The following ADTRP variants were observed in gnomAD, a reference collection of about 807,000 sequenced individuals.
ADTRP encodes androgen dependent TFPI regulating protein.
ADTRP carries 20 observed loss-of-function variants against 27.0 expected under a neutral mutation model. The observed-to-expected ratio is 0.74, with a 90% confidence interval of 0.52 to 1.08. The LOEUF (loss-of-function observed/expected upper bound fraction) is 1.08. Among genes scored for constraint, ADTRP ranks in the 50% least tolerant of loss-of-function variants. The probability of loss-of-function intolerance (pLI) is 0.00; values close to 1 mark genes in which losing one functional copy is unlikely to be tolerated. For missense variants in ADTRP, 251 were observed against 275.0 expected, an observed-to-expected ratio of 0.91 and a Z score of 0.62; for synonymous variants, 101 against 105.2, an observed-to-expected ratio of 0.96 and a Z score of 0.25.
chr6:11,748,777 C>T lies in ADTRP; in HGVS notation c.391-13094G>A, dbSNP rs148793038. Among the ~76,000 whole-genome samples the T allele has an allele frequency of 8.5e-5, 13 of 152,200 alleles. No homozygotes were observed. In the East Asian group the frequency reaches 1.2e-3, roughly 14 times the overall value. ...ATCTTGGGCAAGGGTGCAGTACGCA[C>T]GAAGGTCCTGTAGGAGAATGAACTT... On this transcript the variant is annotated intron_variant, in intron 3 of 5. Coordinates refer to ENST00000414691, the MANE Select transcript of ADTRP (RefSeq NM_032744.4).
intron 4 of ADTRP, among the ~76,000 whole-genome samples, chr6:11,727,380 C>A: frequency 6.6e-6 from 1 of 152,096 alleles, no homozygotes; most frequent in Non-Finnish European, 1.5e-5. Context: ...GTGATTCTTA[C>A]CTGCATGGCT....
chr6:11,723,796 T>C (rs546953199), intron 4 of ADTRP, among the ~76,000 whole-genome samples: 1 of 152,236 alleles, frequency 6.6e-6, no homozygotes, highest in East Asian at 1.9e-4. Context: ...CTGTGGCTCA[T>C]GCCTGTAATC....
At chr6:11,715,123 C>T (rs1761770172) in intron 5 of ADTRP, among the ~76,000 whole-genome samples, 1 of 152,206 alleles carries the variant, frequency 6.6e-6, no homozygotes, top group South Asian at 2.1e-4. Context: ...GTAAGCTCTG[C>T]AATTTGTGAA....
chr6:11,723,210 G>T (rs1762074636), intron 5 of ADTRP, 139 bp downstream of exon 5: 1 of 1,216,786 alleles, frequency 8.2e-7, no homozygotes. Context: ...CTCTTGGCAG[G>T]ACCTGTCTGA....
chr6:11,750,731 G>A (rs944392018), intron 3 of ADTRP, among the ~76,000 whole-genome samples: 8 of 152,172 alleles, frequency 5.3e-5, no homozygotes, highest in Non-Finnish European at 8.8e-5. Flanking sequence ...TTAATCACTA[G>A]TTCTCTTTCT....
intron 3 of ADTRP, among the ~76,000 whole-genome samples, chr6:11,743,677 T>C (rs1316494594): frequency 6.6e-6 from 1 of 152,212 alleles, no homozygotes; most frequent in East Asian, 1.9e-4. Context: ...GTCACCATTT[T>C]CTCTCTAGTG....
chr6:11,722,104 A>G (rs1279573537), intron 5 of ADTRP, among the ~76,000 whole-genome samples: 1 of 152,112 alleles, frequency 6.6e-6, no homozygotes, highest in African/African-American at 2.4e-5. Flanking sequence ...AGTTAGAATT[A>G]TATGTCAACA....
Position 11,778,665 on chromosome 6 carries a change from A to C in ADTRP, c.95T>G (p.Val32Gly), listed in dbSNP as rs765323691. The change falls in exon 1 of 6, where the codon GTG becomes GGG. Residue 32 changes from valine (V) to glycine (G), a missense_variant. Coordinates refer to ENST00000414691, the MANE Select transcript of ADTRP (RefSeq NM_032744.4). ...YYISQEGKDEVKPKILANGAR... is the reference protein window; with the variant it reads ...YYISQEGKDEGKPKILANGAR... ...ACCATTTGCCAAGATTTTGGGTTTC[A>C]CCTCGTCTTTTCCTTCCTGTGAGAT... 1.2e-6 allele frequency: 2 copies of C among 1,614,076 alleles called. No homozygotes were observed. The highest frequency in any genetic ancestry group is 2.7e-5 in the African/African-American group (2 of 74,916).
Position 11,723,409 on chromosome 6 carries a change from T to C in ADTRP, c.598A>G (p.Ser200Gly), listed in dbSNP as rs770390002. ...TAGATGCTGGCGATGAAGACGTAGC[T>C]GAGAGAGAAGAAAGCTGCTAGACCC... ...LLGLAAFFSLSYVFIASIYLL... is the reference protein window; with the variant it reads ...LLGLAAFFSLGYVFIASIYLL... The change falls in exon 5 of 6, where the codon AGC becomes GGC. Residue 200 changes from serine (S) to glycine (G), a missense_variant. By Grantham distance (56) the Ser-to-Gly change is moderately conservative. Coordinates refer to ENST00000414691, the MANE Select transcript of ADTRP (RefSeq NM_032744.4). The C allele has an allele frequency of 6.2e-7, 1 of 1,613,990 alleles. No individual in the cohort carries two copies. The highest frequency in any genetic ancestry group is 8.5e-7 in the Non-Finnish European group (1 of 1,179,992).
chr6:11,760,337 C>T (rs551861204), intron 3 of ADTRP, among the ~76,000 whole-genome samples: 1 of 152,250 alleles, frequency 6.6e-6, no homozygotes, highest in African/African-American at 2.4e-5. Context: ...GACTCGAGTC[C>T]TCTTACAAGG....
At chr6:11,764,716 G>A (rs1763500178) in intron 3 of ADTRP, among the ~76,000 whole-genome samples, 1 of 152,056 alleles carries the variant, frequency 6.6e-6, no homozygotes, top group South Asian at 2.1e-4. Context: ...CATCCTAGCT[G>A]TGCCTCCTAT....
In ADTRP at chr6:11,733,300, T is replaced by C. The variant is rs967357771; in HGVS notation, c.506+2268A>G. 2.0e-5 allele frequency among the ~76,000 whole-genome samples: 3 copies of C among 152,212 alleles called. No individual in the cohort carries two copies. The East Asian group carries it at 5.8e-4, about 29-fold the overall frequency. On this transcript the variant is annotated intron_variant, in intron 4 of 5. Transcript: ENST00000414691. Reference sequence around the variant, plus strand: ...AGCTTTCTTACATAAACCACATCATTTCATTCCTCTGATTATAACACTTTT... The same window carrying C: ...AGCTTTCTTACATAAACCACATCATCTCATTCCTCTGATTATAACACTTTT...
chr6:11,758,597 T>C (rs923366037), intron 3 of ADTRP, among the ~76,000 whole-genome samples: 1 of 130,810 alleles, frequency 7.6e-6, no homozygotes, highest in Non-Finnish European at 1.6e-5. Flanking sequence ...ACGGATAGCA[T>C]TAGGAGGTAT....
intron 3 of ADTRP, among the ~76,000 whole-genome samples, chr6:11,758,006 C>T (rs553195251): frequency 1.3e-4 from 20 of 152,320 alleles, no homozygotes; most frequent in Admixed American, 3.9e-4. Flanking sequence ...TTCTCTCCTT[C>T]GGCTCAATAT....
intron 4 of ADTRP, among the ~76,000 whole-genome samples, chr6:11,728,976 C>T (rs557555194): frequency 1.6e-4 from 24 of 152,344 alleles, no homozygotes; most frequent in Admixed American, 1.3e-3. Flanking sequence ...GAGCCATCTG[C>T]TACGTGAACC....
intron 1 of ADTRP, 144 bp downstream of exon 1, chr6:11,778,463 C>T: frequency 2.5e-6 from 3 of 1,208,518 alleles, no homozygotes; most frequent in Non-Finnish European, 3.4e-6. Context: ...GTTAAGTAAA[C>T]AAAAAACCCA....
intron 3 of ADTRP, among the ~76,000 whole-genome samples, chr6:11,753,118 A>T (rs1322219373): frequency 2.0e-5 from 3 of 152,226 alleles, no homozygotes; most frequent in African/African-American, 7.2e-5. Flanking sequence ...CTGGTACTTA[A>T]TTCTTTTCAT....
chr6:11,716,435 A>G (rs988030857), intron 5 of ADTRP, among the ~76,000 whole-genome samples: 2 of 152,250 alleles, frequency 1.3e-5, no homozygotes, highest in Admixed American at 6.5e-5. Context: ...TCCTCTGTCC[A>G]AAACCAAGTA....
At chr6:11,760,078 G>A (rs1763349111) in intron 3 of ADTRP, among the ~76,000 whole-genome samples, 1 of 152,188 alleles carries the variant, frequency 6.6e-6, no homozygotes, top group African/African-American at 2.4e-5. Flanking sequence ...CAAACGTTAA[G>A]ATAACACATT....
Sources: gnomAD v4.1 joint callset for allele counts (sites outside exome capture counted in the v4.1 genomes callset) on GRCh38, gnomAD v4.1.1 for gene constraint, MANE v1.5 for transcripts, NCBI Gene and HGNC (gene_info 2026-07-23, HGNC 2026-07-21) for gene names.